Variants in MINDY4 observed in about 807,000 individuals in gnomAD.
MINDY4 encodes the protein MINDY lysine 48 deubiquitinase 4.
MINDY4 carries 68 observed loss-of-function variants against 87.0 expected under a neutral mutation model. The observed-to-expected ratio is 0.78, with a 90% CI of 0.64 to 0.96. The LOEUF (loss-of-function observed/expected upper bound fraction) is 0.96. Ranked by LOEUF, MINDY4 falls within the 40% of genes least tolerant of loss-of-function variation. The probability of loss-of-function intolerance (pLI) is 0.00; values close to 1 mark genes in which losing one functional copy is unlikely to be tolerated. For missense variants in MINDY4, 919 were observed against 928.2 expected (o/e 0.99, Z 0.13); for synonymous variants, 379 against 363.2 (o/e 1.04, Z -0.50).
chr7:30,840,482 T>C (rs192143940), intron 8 of MINDY4, among the ~76,000 whole-genome samples: 148 of 152,344 alleles, frequency 9.7e-4, no homozygotes, highest in Non-Finnish European at 1.6e-3. Flanking sequence ...GGTGATGTCC[T>C]TGGCTTCACA....
chr7:30,801,460 G>A (rs1787648215), intron 5 of MINDY4, among the ~76,000 whole-genome samples: 1 of 151,984 alleles, frequency 6.6e-6, no homozygotes, highest in African/African-American at 2.4e-5. Context: ...TTCTGTGGTG[G>A]ATACAGCTGT....
intron 10 of MINDY4, 64 bp from the exon 11 acceptor site, chr7:30,852,152 C>A (rs1272163396): frequency 1.9e-6 from 3 of 1,598,900 alleles, no homozygotes; most frequent in Admixed American, 1.7e-5. Context: ...TGTGGTTTCG[C>A]CCCGGCTGGA....
At chr7:30,784,969 G>A (rs1787114073) in intron 3 of MINDY4, among the ~76,000 whole-genome samples, 1 of 152,166 alleles carries the variant, frequency 6.6e-6, no homozygotes, top group Non-Finnish European at 1.5e-5. Flanking sequence ...TGGCTTCTGG[G>A]TGATCAGAGG....
At chr7:30,851,543 G>A (rs1261062127) in intron 10 of MINDY4, among the ~76,000 whole-genome samples, 2 of 152,154 alleles carry the variant, frequency 1.3e-5, no homozygotes, top group Non-Finnish European at 2.9e-5. Flanking sequence ...TTTAGATATC[G>A]TTATTTGTTT....
At position 30,876,770 on chromosome 7, in the gene MINDY4, C is replaced by A. The variant is rs1790270200; in HGVS notation, c.1971+1114C>A. Among the ~76,000 whole-genome samples, 2 of 152,226 alleles carry A rather than the reference C, an allele frequency of 1.3e-5. 1 individual carries two copies. Among genetic ancestry groups the A allele is most frequent in the South Asian group, 4.2e-4 (2 of 4,810 alleles). On this transcript the variant is annotated intron_variant, in intron 15 of 17. Transcript: ENST00000265299. ...GGAGTGCTTTTCACAGTGGCCACCC[C>A]CTGCAAAGATTCTTGGAGGGTCCGG...
intron 13 of MINDY4, among the ~76,000 whole-genome samples, chr7:30,869,049 C>T (rs572323843): frequency 6.6e-6 from 1 of 152,300 alleles, no homozygotes; most frequent in South Asian, 2.1e-4. Flanking sequence ...GCCCCCAGTG[C>T]AGGACAGCTT....
rs1790070614 is a variant in MINDY4, at chr7:30,870,541, A to C, written c.1746-1702A>C. Among the ~76,000 whole-genome samples the C allele has an allele frequency of 2.0e-5, 3 of 152,208 alleles. No individual in the cohort carries two copies. In the South Asian group the frequency reaches 6.2e-4, roughly 31 times the overall value. On this transcript the variant is annotated intron_variant, in intron 13 of 17. Coordinates refer to ENST00000265299, the MANE Select transcript of MINDY4 (RefSeq NM_032222.3). The stretch of plus-strand genomic sequence containing the variant: ...TAGTGGTTCTCTGCAAGCTCCTGCA[A>C]GGGTAACCCCAGCTCATCTTCTCAT...
intron 6 of MINDY4, among the ~76,000 whole-genome samples, chr7:30,836,327 G>C (rs903158582): frequency 6.6e-6 from 1 of 152,128 alleles, no homozygotes; most frequent in African/African-American, 2.4e-5. Context: ...GTCCTGGTTC[G>C]ATGGCTTAGG....
chr7:30,794,454 C>A (rs1787419804), intron 5 of MINDY4, among the ~76,000 whole-genome samples: 1 of 152,006 alleles, frequency 6.6e-6, no homozygotes, highest in African/African-American at 2.4e-5. Flanking sequence ...CCTTTTTGGG[C>A]CTCCAAACAT....
At position 30,882,381 on chromosome 7, in the gene MINDY4, C is replaced by T. The variant is rs368368484; in HGVS notation, c.2152+20C>T. 1.4e-6 allele frequency: 2 copies of T among 1,479,624 alleles called. No individual in the cohort carries two copies. Among genetic ancestry groups the T allele is most frequent in the South Asian group, 1.3e-5 (1 of 76,242 alleles). The allele number at this position is 1,479,624 out of a possible 1,614,324, so 91.7% of individuals were successfully genotyped here. On this transcript the variant is annotated intron_variant, in intron 16 of 17. Transcript: ENST00000265299. ...CCATTGGTGCGGGCCCTCACCCCCC[C>T]ACCCACCCAACCCTGTCCCCAAGGA...
At position 30,819,598 on chromosome 7, in the gene MINDY4, C is replaced by T. The variant is rs371837722; in HGVS notation, c.1074-9081C>T. Among the ~76,000 whole-genome samples, 11 of 152,156 alleles carry T rather than the reference C, an allele frequency of 7.2e-5. No homozygotes were observed. The East Asian group carries it at 1.9e-3, about 27-fold the overall frequency. ...GTGTTAAAATTTTCTATTATGCTCA[C>T]GGATTGAAGAGTTTCTCCTCGTAGT... On this transcript the variant is annotated intron_variant, in intron 5 of 17. Transcript: ENST00000265299.
intron 13 of MINDY4, among the ~76,000 whole-genome samples, chr7:30,870,942 C>T (rs951150394): frequency 6.6e-6 from 1 of 150,634 alleles, no homozygotes; most frequent in Non-Finnish European, 1.5e-5. Context: ...CCCCCAGGGT[C>T]GTGTGTGCCT....
intron 14 of MINDY4, among the ~76,000 whole-genome samples, chr7:30,874,963 T>G (rs939081109): frequency 2.6e-5 from 4 of 152,202 alleles, no homozygotes; most frequent in Non-Finnish European, 5.9e-5. Context: ...TAAAATTATT[T>G]CAAAATAAAA....
chr7:30,776,425 C>T (rs1034095123), intron 1 of MINDY4, among the ~76,000 whole-genome samples: 1 of 152,218 alleles, frequency 6.6e-6, no homozygotes, highest in Admixed American at 6.5e-5. Context: ...TTCCTGACCA[C>T]CTTTGATAAA....
intron 6 of MINDY4, among the ~76,000 whole-genome samples, chr7:30,834,085 G>T (rs183685854): frequency 2.0e-5 from 3 of 152,330 alleles, no homozygotes; most frequent in African/African-American, 7.2e-5. Flanking sequence ...GAGGACAGTA[G>T]CCCTCTTCTC....
intron 17 of MINDY4, among the ~76,000 whole-genome samples, chr7:30,888,376 C>A (rs749983513): frequency 2.5e-4 from 38 of 152,178 alleles, no homozygotes; most frequent in Non-Finnish European, 4.0e-4. Flanking sequence ...ATAATGCACA[C>A]CACGGTCTCC....
chr7:30,882,135 C>G, intron 15 of MINDY4, 46 bp from the exon 16 acceptor site: 1 of 1,549,768 alleles, frequency 6.5e-7, no homozygotes, highest in Non-Finnish European at 8.8e-7. Flanking sequence ...GCCCGGACCC[C>G]TTTCCCTGGG....
intron 1 of MINDY4, among the ~76,000 whole-genome samples, chr7:30,775,045 AGT>A (rs1381482258): frequency 6.6e-6 from 1 of 152,116 alleles, no homozygotes; most frequent in African/African-American, 2.4e-5. Context: ...TGTCTCTGAT[AGT>A]GTTTCTGCTC....
intron 13 of MINDY4, 73 bp downstream of exon 13, chr7:30,859,397 C>T: frequency 7.2e-7 from 1 of 1,391,646 alleles, no homozygotes; most frequent in Admixed American, 1.7e-5. Flanking sequence ...CGCTAGAGCC[C>T]AGGATGGTGC....
Sources: gnomAD v4.1 joint callset for allele counts (sites outside exome capture counted in the v4.1 genomes callset) on GRCh38, gnomAD v4.1.1 for gene constraint, MANE v1.5 for transcripts, NCBI Gene and HGNC (gene_info 2026-07-23, HGNC 2026-07-21) for gene names.